INPP4B: variants seen among roughly 807,000 people sequenced by gnomAD.
INPP4B encodes the protein inositol polyphosphate-4-phosphatase type II B, also known as inositol polyphosphate 4-phosphatase type II.
Under a neutral mutation model 122.5 loss-of-function variants are expected in INPP4B, and 55 were observed. The ratio of observed to expected loss-of-function variants is 0.45; its 90% CI spans 0.36 to 0.56. The LOEUF (loss-of-function observed/expected upper bound fraction) is 0.56. Among genes scored for constraint, INPP4B ranks in the 20% least tolerant of loss-of-function variants. The pLI, the probability that INPP4B is intolerant of heterozygous loss-of-function variation, is 0.00. For synonymous variants in INPP4B, 403 were observed against 388.7 expected, an observed-to-expected ratio of 1.04 and a Z score of -0.43; for missense variants, 1,000 against 1,097.7, an observed-to-expected ratio of 0.91 and a Z score of 1.26.
intron 18 of INPP4B, among the ~76,000 whole-genome samples, chr4:142,145,321 TA>T (rs993392069): frequency 2.6e-5 from 4 of 152,166 alleles, no homozygotes; most frequent in African/African-American, 7.2e-5. Flanking sequence ...ACTTGTCATA[TA>T]TTTTTTTAGA....
chr4:142,281,304 G>A (rs1751090471), intron 9 of INPP4B, among the ~76,000 whole-genome samples: 1 of 151,240 alleles, frequency 6.6e-6, no homozygotes, highest in East Asian at 1.9e-4. Flanking sequence ...CACTTATAAG[G>A]CCAGGTGAAA....
At chr4:142,230,514 G>A (rs141833144) in intron 12 of INPP4B, among the ~76,000 whole-genome samples, 1,840 of 151,734 alleles carry the variant, frequency 0.012, 134 homozygotes, top group Admixed American at 0.11. Context: ...ACGTGGTGGC[G>A]CTTGCCTGTA....
intron 3 of INPP4B, among the ~76,000 whole-genome samples, chr4:142,432,867 A>C (rs1384046349): frequency 3.3e-5 from 5 of 152,164 alleles, no homozygotes; most frequent in African/African-American, 9.6e-5. Context: ...TCAGCACACT[A>C]TCGGTGAATA....
intron 1 of INPP4B, among the ~76,000 whole-genome samples, chr4:142,841,814 A>T (rs1283202109): frequency 2.0e-5 from 3 of 151,972 alleles, no homozygotes; most frequent in African/African-American, 7.2e-5. Context: ...TCCAATCATT[A>T]GAAGTCAGCA....
At chr4:142,487,020 T>C (rs1821281854) in intron 2 of INPP4B, among the ~76,000 whole-genome samples, 1 of 152,150 alleles carries the variant, frequency 6.6e-6, no homozygotes, top group Non-Finnish European at 1.5e-5. Context: ...TCCCACGTGT[T>C]TTGGGAGGGA....
chr4:142,520,282 T>C (rs1580270123), intron 2 of INPP4B, among the ~76,000 whole-genome samples: 1 of 151,988 alleles, frequency 6.6e-6, no homozygotes, highest in Non-Finnish European at 1.5e-5. Flanking sequence ...GAAATGAGAA[T>C]CACAAACTGC....
chr4:142,067,862 A>G (rs1764514109), intron 25 of INPP4B, among the ~76,000 whole-genome samples: 1 of 152,240 alleles, frequency 6.6e-6, no homozygotes, highest in Non-Finnish European at 1.5e-5. Context: ...TGATTGGTGT[A>G]CCTGAAAGTG....
chr4:142,055,556 T>C (rs899439937), intron 25 of INPP4B, among the ~76,000 whole-genome samples: 2 of 152,144 alleles, frequency 1.3e-5, no homozygotes, highest in Admixed American at 6.6e-5. Context: ...AAGCAGATGT[T>C]TGAGTTAACT....
intron 2 of INPP4B, among the ~76,000 whole-genome samples, chr4:142,711,472 A>C (rs929299106): frequency 3.3e-5 from 5 of 152,086 alleles, no homozygotes; most frequent in African/African-American, 9.7e-5. Context: ...AAGACTAATA[A>C]TATTTATTAA....
chr4:142,696,229 G>A (rs1251171242), intron 2 of INPP4B, among the ~76,000 whole-genome samples: 2 of 152,112 alleles, frequency 1.3e-5, no homozygotes, highest in Non-Finnish European at 2.9e-5. Flanking sequence ...CCTTTTCCAT[G>A]TGTCTGATAA....
At chr4:142,398,401 A>AT (rs1448170661) in intron 7 of INPP4B, among the ~76,000 whole-genome samples, 1 of 28,500 alleles carries the variant, frequency 3.5e-5, no homozygotes, top group Admixed American at 5.9e-4. Context: ...AAAAAAAAAA[A>AT]ATATATATAT....
intron 2 of INPP4B, among the ~76,000 whole-genome samples, chr4:142,531,747 G>T (rs1198467134): frequency 6.6e-6 from 1 of 152,008 alleles, no homozygotes; most frequent in Non-Finnish European, 1.5e-5. Flanking sequence ...TAAGGGGAAA[G>T]ACCCTACCAA....
At chr4:142,802,694 A>T (rs933592392) in intron 1 of INPP4B, among the ~76,000 whole-genome samples, 1 of 152,004 alleles carries the variant, frequency 6.6e-6, no homozygotes, top group African/African-American at 2.4e-5. Context: ...ACAGGCTAAG[A>T]TGTCAACTTA....
At chr4:142,255,832 C>T (rs1735623214) in intron 11 of INPP4B, among the ~76,000 whole-genome samples, 1 of 151,456 alleles carries the variant, frequency 6.6e-6, no homozygotes, top group Admixed American at 6.6e-5. Context: ...AGGAATTGAA[C>T]TCAGCTCTGC....
chr4:142,647,685 G>A (rs572734883), intron 2 of INPP4B, among the ~76,000 whole-genome samples: 40 of 152,294 alleles, frequency 2.6e-4, no homozygotes, highest in Non-Finnish European at 2.8e-4. Context: ...CATTGAAACG[G>A]ATCTGAATTC....
chr4:142,524,120 G>T (rs913087360), intron 2 of INPP4B, among the ~76,000 whole-genome samples: 36 of 151,904 alleles, frequency 2.4e-4, no homozygotes, highest in Non-Finnish European at 4.6e-4. Flanking sequence ...ATAAACATAT[G>T]TGTGCATGTG....
intron 1 of INPP4B, among the ~76,000 whole-genome samples, chr4:142,737,371 C>G (rs1767111731): frequency 6.6e-6 from 1 of 152,102 alleles, no homozygotes; most frequent in Non-Finnish European, 1.5e-5. Flanking sequence ...AAAGGATTCC[C>G]TATTTAATAA....
intron 24 of INPP4B, among the ~76,000 whole-genome samples, chr4:142,084,464 A>G (rs1365776114): frequency 6.6e-6 from 1 of 152,200 alleles, no homozygotes; most frequent in African/African-American, 2.4e-5. Flanking sequence ...CTAAAGCAGT[A>G]TTTCATTAAA....
chr4:142,584,177 A>C (rs1275552597), intron 2 of INPP4B, among the ~76,000 whole-genome samples: 1 of 151,880 alleles, frequency 6.6e-6, no homozygotes, highest in Non-Finnish European at 1.5e-5. Flanking sequence ...ATATCTTCTT[A>C]TTTTAGAGCA....
Sources: allele counts gnomAD v4.1 joint callset (sites outside exome capture counted in the v4.1 genomes callset), GRCh38; gene constraint gnomAD v4.1.1; transcripts MANE v1.5; gene names NCBI Gene and HGNC (gene_info 2026-07-23, HGNC 2026-07-21).